Variants in MCTP1 observed in about 807,000 individuals in gnomAD.
MCTP1 encodes multiple C2 and transmembrane domain containing 1.
MCTP1 carries 69 observed loss-of-function variants against 120.6 expected under a neutral mutation model. The observed-to-expected ratio is 0.57, with a 90% CI of 0.47 to 0.70. The LOEUF (loss-of-function observed/expected upper bound fraction) is 0.70, where lower values mean the gene tolerates loss of function less well. Ranked by LOEUF, MCTP1 falls within the 30% of genes least tolerant of loss-of-function variation. The pLI is 0.00. For synonymous variants in MCTP1, 529 were observed against 493.1 expected, an observed-to-expected ratio of 1.07 and a Z score of -0.96; for missense variants, 1,203 against 1,248.8, an observed-to-expected ratio of 0.96 and a Z score of 0.55.
At chr5:95,137,239 G>T (rs1308082734) in intron 1 of MCTP1, among the ~76,000 whole-genome samples, 1 of 152,174 alleles carries the variant, frequency 6.6e-6, no homozygotes, top group East Asian at 1.9e-4. Flanking sequence ...ATAACCTAGT[G>T]ATGAAGAGGA....
At chr5:94,832,555 G>A (rs1441573284) in intron 17 of MCTP1, among the ~76,000 whole-genome samples, 5 of 151,484 alleles carry the variant, frequency 3.3e-5, no homozygotes, top group African/African-American at 1.2e-4. Context: ...CTTATCCTTT[G>A]ACTTCTCTCA....
intron 1 of MCTP1, among the ~76,000 whole-genome samples, chr5:95,233,019 G>T (rs1053790681): frequency 6.6e-6 from 1 of 152,130 alleles, no homozygotes; most frequent in Non-Finnish European, 1.5e-5. Context: ...TATAGCCAGA[G>T]ATTTCAACAA....
At chr5:95,112,659 T>C (rs1196171226) in intron 1 of MCTP1, among the ~76,000 whole-genome samples, 1 of 152,192 alleles carries the variant, frequency 6.6e-6, no homozygotes, top group African/African-American at 2.4e-5. Flanking sequence ...CACCATTACT[T>C]ATTACACCAT....
chr5:94,985,006 C>A (rs1293742753), intron 2 of MCTP1, among the ~76,000 whole-genome samples: 2 of 151,940 alleles, frequency 1.3e-5, no homozygotes, highest in Non-Finnish European at 2.9e-5. Context: ...AAGTACTATA[C>A]AAAAATGTAT....
chr5:94,902,365 T>C (rs899743087), intron 10 of MCTP1, among the ~76,000 whole-genome samples: 6 of 152,084 alleles, frequency 3.9e-5, no homozygotes, highest in African/African-American at 1.4e-4. Flanking sequence ...CAAGAGGAAA[T>C]TTATATCTGC....
intron 1 of MCTP1, among the ~76,000 whole-genome samples, chr5:95,027,155 T>C (rs1403817935): frequency 6.6e-6 from 1 of 152,206 alleles, no homozygotes; most frequent in African/African-American, 2.4e-5. Context: ...ATTGATTAAG[T>C]GACTTTAAAG....
chr5:94,720,214 T>C (rs1240588116), intron 19 of MCTP1, among the ~76,000 whole-genome samples: 1 of 151,710 alleles, frequency 6.6e-6, no homozygotes, highest in East Asian at 1.9e-4. Flanking sequence ...AGGGAAGTTA[T>C]TTACTGACCT....
intron 5 of MCTP1, among the ~76,000 whole-genome samples, chr5:94,934,737 GTT>G (rs3030499): frequency 2.2e-5 from 3 of 136,580 alleles, no homozygotes; most frequent in Admixed American, 7.3e-5. Context: ...AGATAAAGAA[GTT>G]TTTTTTTTTT....
intron 1 of MCTP1, among the ~76,000 whole-genome samples, chr5:95,227,007 C>T (rs184336985): frequency 2.4e-3 from 368 of 152,210 alleles, no homozygotes; most frequent in African/African-American, 8.6e-3. Flanking sequence ...GGATGAAAAG[C>T]TCTCATCCAG....
chr5:95,051,229 G>A (rs1427373592), intron 1 of MCTP1, among the ~76,000 whole-genome samples: 1 of 152,004 alleles, frequency 6.6e-6, no homozygotes, highest in Non-Finnish European at 1.5e-5. Flanking sequence ...ATAAGAACTG[G>A]GCTCTAGGCT....
intron 19 of MCTP1, among the ~76,000 whole-genome samples, chr5:94,730,437 C>G (rs960982040): frequency 6.6e-5 from 10 of 152,214 alleles, no homozygotes; most frequent in Admixed American, 3.9e-4. Context: ...AGGCATGAGC[C>G]ATCACACCTG....
At chr5:95,121,277 CAAAAAAAAAAAAAA>C (rs34423597) in intron 1 of MCTP1, among the ~76,000 whole-genome samples, 2 of 35,066 alleles carry the variant, frequency 5.7e-5, no homozygotes, top group Non-Finnish European at 9.0e-5. Context: ...GACTCCATCA[CAAAAAAAAAAAAAA>C]AAAAAAAAAA....
intron 2 of MCTP1, among the ~76,000 whole-genome samples, chr5:95,016,860 G>T (rs769829934): frequency 6.6e-6 from 1 of 152,024 alleles, no homozygotes; most frequent in African/African-American, 2.4e-5. Context: ...CCTTCGTCAT[G>T]CCCTACAAAA....
chr5:94,920,832 A>G (rs1414573024), intron 7 of MCTP1, among the ~76,000 whole-genome samples: 1 of 152,144 alleles, frequency 6.6e-6, no homozygotes, highest in Non-Finnish European at 1.5e-5. Context: ...ATCTTCCTTC[A>G]GACACACTTT....
intron 3 of MCTP1, among the ~76,000 whole-genome samples, chr5:94,951,030 C>G (rs1348217680): frequency 6.7e-6 from 1 of 150,160 alleles, no homozygotes; most frequent in Non-Finnish European, 1.5e-5. Flanking sequence ...GCATAGCAGT[C>G]AAGTCAGGAC....
chr5:95,214,008 A>G (rs1752726041), intron 1 of MCTP1, among the ~76,000 whole-genome samples: 1 of 152,228 alleles, frequency 6.6e-6, no homozygotes, highest in Non-Finnish European at 1.5e-5. Context: ...GCCAAAATTG[A>G]CAAATGGGAT....
At chr5:95,081,056 T>G (rs1754810602) in intron 1 of MCTP1, among the ~76,000 whole-genome samples, 1 of 152,116 alleles carries the variant, frequency 6.6e-6, no homozygotes, top group Non-Finnish European at 1.5e-5. Flanking sequence ...CTGATATATG[T>G]TTCACCTTTA....
chr5:95,111,752 T>C (rs369662047), intron 1 of MCTP1, among the ~76,000 whole-genome samples: 1 of 152,230 alleles, frequency 6.6e-6, no homozygotes, highest in Admixed American at 6.5e-5. Flanking sequence ...TTTCCAAATA[T>C]TGAGACCAAA....
intron 1 of MCTP1, among the ~76,000 whole-genome samples, chr5:95,220,784 C>T (rs1753599911): frequency 6.6e-6 from 1 of 152,204 alleles, no homozygotes; most frequent in African/African-American, 2.4e-5. Flanking sequence ...CTTTACCTCA[C>T]ATGGGTGCCA....
Sources: allele counts gnomAD v4.1 joint callset (sites outside exome capture counted in the v4.1 genomes callset), GRCh38; gene constraint gnomAD v4.1.1; transcripts MANE v1.5; gene names NCBI Gene and HGNC (gene_info 2026-07-23, HGNC 2026-07-21).